Variants in RGN observed in about 807,000 individuals in gnomAD.
The protein encoded by RGN is regucalcin.
A neutral mutation model predicts 20.6 loss-of-function variants in RGN; 19 were observed. The observed-to-expected ratio is 0.92, with a 90% CI of 0.64 to 1.35. The LOEUF is 1.35. Ranked by LOEUF, RGN falls within the 40% of genes most tolerant of loss-of-function variation. The pLI, the probability that RGN is intolerant of heterozygous loss-of-function variation, is 0.00. For synonymous variants in RGN, 85 were observed against 87.2 expected, an observed-to-expected ratio of 0.97 and a Z score of 0.14; for missense variants, 302 against 232.7, an observed-to-expected ratio of 1.30 and a Z score of -1.94.
intron 3 of RGN, among the ~76,000 whole-genome samples, chrX:47,083,099 T>A (rs990944314): frequency 1.5e-4 from 16 of 109,834 alleles, no homozygotes; most frequent in African/African-American, 3.6e-4. Context: ...AAAATAAATT[T>A]AAAAAAAAAG....
chrX:47,092,337 T>G (rs1196615832), intron 7 of RGN, 122 bp downstream of exon 7: 1 of 592,700 alleles, frequency 1.7e-6, no homozygotes, highest in Non-Finnish European at 2.5e-6. Context: ...CATGTTAAGC[T>G]CATCATACTA....
At chrX:47,090,082 A>G in intron 5 of RGN, 91 bp downstream of exon 5, 2 of 589,641 alleles carry the variant, frequency 3.4e-6, no homozygotes, top group Non-Finnish European at 5.3e-6. Flanking sequence ...CCTCATGTGA[A>G]GAAGTCTTCA....
At chrX:47,082,714 G>C (rs1451237759) in intron 3 of RGN, among the ~76,000 whole-genome samples, 1 of 111,355 alleles carries the variant, frequency 9.0e-6, no homozygotes, top group Non-Finnish European at 1.9e-5. Context: ...GAATGGGGAT[G>C]GGGTCCCCTT....
intron 7 of RGN, among the ~76,000 whole-genome samples, chrX:47,092,673 A>T (rs1931065314): frequency 8.9e-6 from 1 of 112,310 alleles, no homozygotes; most frequent in Non-Finnish European, 1.9e-5. Flanking sequence ...GGAGTAATCC[A>T]GTTTTAAATC....
rs781971957 is a variant in RGN, at chrX:47,086,895, T to C, written c.346+2295T>C. On this transcript the variant is annotated intron_variant, in intron 4 of 7. Coordinates refer to ENST00000397180, the MANE Select transcript of RGN (RefSeq NM_152869.4). ...CATATGCTATTGGTCACACAGACAA[T>C]GACAGAGGGAACTATCCAAGGGTGA... Among the ~76,000 whole-genome samples, 9 of 110,217 alleles carry C rather than the reference T, an allele frequency of 8.2e-5. No individual in the cohort carries two copies. The South Asian group carries it at 3.1e-3, about 39-fold the overall frequency.
chrX:47,088,817 C>T (rs1025407172), intron 4 of RGN, among the ~76,000 whole-genome samples: 4 of 105,793 alleles, frequency 3.8e-5, no homozygotes, highest in South Asian at 4.4e-4. Flanking sequence ...CTCCCATAGT[C>T]CCAGCTGCTC....
At chrX:47,082,302 AC>A (rs1930364738) in intron 3 of RGN, among the ~76,000 whole-genome samples, 1 of 60,483 alleles carries the variant, frequency 1.7e-5, no homozygotes, top group Admixed American at 1.6e-4. Flanking sequence ...TGGGACCTCA[AC>A]TTTTTTTTTT....
chrX:47,085,524 A>G (rs1406173370), intron 4 of RGN, among the ~76,000 whole-genome samples: 1 of 111,456 alleles, frequency 9.0e-6, no homozygotes, highest in Non-Finnish European at 1.9e-5. Context: ...CTCAAAAAAA[A>G]AAAGAATAGT....
intron 3 of RGN, 136 bp from the exon 4 acceptor site, chrX:47,084,282 C>G: frequency 2.1e-6 from 1 of 468,392 alleles, no homozygotes; most frequent in South Asian, 4.5e-5. Context: ...CTTCCCTACT[C>G]AACAGAAGGA....
At chrX:47,090,380 A>C (rs1930891839) in intron 5 of RGN, among the ~76,000 whole-genome samples, 1 of 111,410 alleles carries the variant, frequency 9.0e-6, no homozygotes, top group South Asian at 3.7e-4. Context: ...TATTGGCGCA[A>C]AAGAGCAGAA....
chrX:47,084,728 T>A, intron 4 of RGN, 128 bp downstream of exon 4: 1 of 542,063 alleles, frequency 1.8e-6, no homozygotes, highest in Non-Finnish European at 2.9e-6. Flanking sequence ...CCAAGGCGAG[T>A]AGGTCGCATG....
In RGN at chrX:47,080,624, TA is replaced by T. The variant is rs1195394809; in HGVS notation, c.-325del. On this transcript the variant is annotated 5_prime_UTR_variant, in exon 2 of 8. It removes the in-frame stop codon of an upstream open reading frame in the 5' UTR. Transcript: ENST00000397180. Reference sequence around the variant, plus strand: ...AAATCAACCACACAGAGAAGAAAAATAAATAAATCAGTAAAGCAGCTCAGAA... The same window carrying T: ...AAATCAACCACACAGAGAAGAAAAATAATAAATCAGTAAAGCAGCTCAGAA... 8.9e-6 allele frequency: 1 copy of T among 111,827 alleles called. No homozygotes were observed. Among genetic ancestry groups the T allele is most frequent in the Non-Finnish European group, 1.9e-5 (1 of 53,493 alleles). The allele number at this position is 111,827 out of a possible 1,213,427, so 9.2% of individuals were successfully genotyped here.
At chrX:47,090,492 A>G (rs1930896989) in intron 5 of RGN, among the ~76,000 whole-genome samples, 4 of 110,734 alleles carry the variant, frequency 3.6e-5, no homozygotes, top group South Asian at 3.8e-4. Flanking sequence ...AAAGCAAAAA[A>G]AAAAAGTAAT....
chrX:47,081,107 C>G (rs901844488), intron 2 of RGN, 23 bp from the exon 3 acceptor site: 1 of 1,146,009 alleles, frequency 8.7e-7, no homozygotes, highest in South Asian at 1.8e-5. Context: ...TGACCTTTCA[C>G]TCACCTCTGT....
At position 47,090,961 on chromosome X, in the gene RGN, A is replaced by AAAGAAAGAAAGAAAGAAAGAAAG. The variant is rs1930980404; in HGVS notation, c.563-715_563-693dup. Among the ~76,000 whole-genome samples, 8 of 63,601 alleles carry AAAGAAAGAAAGAAAGAAAGAAAG rather than the reference A, an allele frequency of 1.3e-4. 1 individual carries two copies. The highest frequency in any genetic ancestry group is 5.2e-4 in the African/African-American group (8 of 15,483). The allele number at this position is 63,601 out of a possible 115,157, so 55.2% of individuals were successfully genotyped here. ...GAAAGAAAGAAAGAAAGAAAGAAAGAAAGAAAGAAAGAAAGAAAGAAAGAT... is the reference window on the plus strand; with the variant it reads ...GAAAGAAAGAAAGAAAGAAAGAAAGAAAGAAAGAAAGAAAGAAAGAAAGAAGAAAGAAAGAAAGAAAGAAAGAT... On this transcript the variant is annotated intron_variant, in intron 5 of 7. Transcript: ENST00000397180.
rs1930290659 is a variant in RGN at position 47,081,292 on chromosome X, C to T, written c.148C>T (p.Gln50Ter). ...CRWDSFTKQV[Q>*]RVTMDAPVSS... is the part of the protein sequence containing the mutation. ...GTGGGATTCATTCACCAAGCAAGTA[C>T]AGCGAGTGACCATGGGTAAGGATGA... Residue 50 changes from glutamine (Q) to a stop codon, truncating the protein, a stop_gained, in exon 3 of 8, where the codon CAG becomes TAG. Transcript: ENST00000397180. LOFTEE classifies it high-confidence loss of function. 1 of 1,208,243 alleles carries T rather than the reference C, an allele frequency of 8.3e-7. No homozygotes were observed. The highest frequency in any genetic ancestry group is 2.2e-5 in the Admixed American group (1 of 45,562).
chrX:47,090,116 C>G (rs1320673347), intron 5 of RGN, 125 bp downstream of exon 5: 1 of 433,052 alleles, frequency 2.3e-6, no homozygotes, highest in African/African-American at 2.5e-5. Flanking sequence ...CTTTCTGATG[C>G]TACTATTCTA....
chrX:47,083,731 T>C (rs1930450983), intron 3 of RGN, among the ~76,000 whole-genome samples: 1 of 111,064 alleles, frequency 9.0e-6, no homozygotes, highest in Non-Finnish European at 1.9e-5. Context: ...GCCAACATGG[T>C]GAAACCCCAT....
In RGN at chrX:47,081,208, T is replaced by C; in HGVS notation, c.64T>C (p.Trp22Arg). The C allele has an allele frequency of 8.3e-7, 1 of 1,203,542 alleles. No homozygotes were observed. The highest frequency in any genetic ancestry group is 1.8e-5 in the South Asian group (1 of 56,758). ...CTGCCGGTGTGGTGAGTCTCCAGTA[T>C]GGGAGGAAGTGTCCAACTCTCTGCT... ...ENCRCGESPV[W>R]EEVSNSLLFV... The change falls in exon 3 of 8, where the codon TGG (tryptophan) becomes CGG (arginine). Residue 22 changes from tryptophan to arginine, a missense_variant. Trp to Arg is a moderately radical substitution (Grantham distance 101, BLOSUM62 -3). Coordinates refer to ENST00000397180, the MANE Select transcript of RGN (RefSeq NM_152869.4).
Sources: gnomAD v4.1 joint callset for allele counts (sites outside exome capture counted in the v4.1 genomes callset) on GRCh38, gnomAD v4.1.1 for gene constraint, MANE v1.5 for transcripts, NCBI Gene and HGNC (gene_info 2026-07-23, HGNC 2026-07-21) for gene names.